The following IL1RL1 variants were observed in gnomAD, a reference collection of about 807,000 sequenced individuals.
IL1RL1 encodes the protein interleukin-1 receptor-like 1.
In IL1RL1, 32 loss-of-function variants were observed where a neutral mutation model predicts 50.9. That is an observed-to-expected ratio of 0.63 (90% CI 0.47 to 0.84). IL1RL1 has a LOEUF of 0.84. Among genes scored for constraint, IL1RL1 ranks in the 40% least tolerant of loss-of-function variants. The probability of loss-of-function intolerance (pLI) is 0.00; values close to 1 mark genes in which losing one functional copy is unlikely to be tolerated. For synonymous variants in IL1RL1, 275 were observed against 236.0 expected, an observed-to-expected ratio of 1.17 and a Z score of -1.51; for missense variants, 773 against 662.9, an observed-to-expected ratio of 1.17 and a Z score of -1.82.
chr2:102,328,684 T>A (rs530152775), intron 1 of IL1RL1, among the ~76,000 whole-genome samples: 1 of 152,190 alleles, frequency 6.6e-6, no homozygotes, highest in East Asian at 1.9e-4. Flanking sequence ...TCGCAAGCAT[T>A]CTTATACACC....
At chr2:102,343,903 T>C in intron 8 of IL1RL1, 1 of 996,810 alleles carries the variant, frequency 1.0e-6, no homozygotes, top group Non-Finnish European at 1.2e-6. Flanking sequence ...ACTACTGCCA[T>C]TTCAGTGAGA....
chr2:102,331,084 T>A (rs77127114), intron 1 of IL1RL1, among the ~76,000 whole-genome samples: 4,208 of 152,348 alleles, frequency 0.028, 90 homozygotes, highest in Non-Finnish European at 0.04. Flanking sequence ...GACTCTCTCT[T>A]CTTTGATCAA....
intron 1 of IL1RL1, among the ~76,000 whole-genome samples, chr2:102,335,685 C>G (rs1473883972): frequency 6.6e-6 from 1 of 152,116 alleles, no homozygotes; most frequent in Admixed American, 6.5e-5. Flanking sequence ...AACTGAGAAA[C>G]TAATGCTTAC....
intron 9 of IL1RL1, among the ~76,000 whole-genome samples, chr2:102,348,535 A>G (rs1468840636): frequency 1.3e-5 from 2 of 152,222 alleles, no homozygotes; most frequent in Non-Finnish European, 2.9e-5. Flanking sequence ...ACCCAGGCAC[A>G]CAAGCATGTG....
chr2:102,320,991 T>C (rs1209037057), intron 1 of IL1RL1, among the ~76,000 whole-genome samples: 3 of 152,234 alleles, frequency 2.0e-5, no homozygotes, highest in Non-Finnish European at 1.5e-5. Flanking sequence ...ATCTAGTCTC[T>C]ACCCCTCTCC....
Position 102,336,878 on chromosome 2 carries a change from T to C in IL1RL1, c.-149-1238T>C, listed in dbSNP as rs1677344661. 3.9e-5 allele frequency among the ~76,000 whole-genome samples: 6 copies of C among 152,198 alleles called. 1 individual carries two copies. Among genetic ancestry groups the C allele is most frequent in the Admixed American group, 3.9e-4 (6 of 15,270 alleles). ...CTTTTGAAACTCCTGGCACCAATGC[T>C]GCCAAGGCTGGCGGAGCTTTCCTGA... On this transcript the variant is annotated intron_variant, in intron 1 of 10. Transcript: ENST00000233954.
chr2:102,321,929 T>G (rs1420089), intron 1 of IL1RL1, among the ~76,000 whole-genome samples: 1 of 152,138 alleles, frequency 6.6e-6, no homozygotes, highest in African/African-American at 2.4e-5. Flanking sequence ...TCTAGTCTGA[T>G]TAGTCTTGTC....
At chr2:102,326,012 A>T (rs969805677) in intron 1 of IL1RL1, among the ~76,000 whole-genome samples, 35 of 152,294 alleles carry the variant, frequency 2.3e-4, no homozygotes, top group Middle Eastern at 3.4e-3. Flanking sequence ...CACCACAAAG[A>T]TACTCCTTGA....
chr2:102,326,021 G>T (rs1402211777), intron 1 of IL1RL1, among the ~76,000 whole-genome samples: 4 of 152,146 alleles, frequency 2.6e-5, no homozygotes. Flanking sequence ...GATACTCCTT[G>T]AGAAGAGCAA....
intron 3 of IL1RL1, chr2:102,339,374 A>C (rs1573151246): frequency 4.7e-6 from 1 of 211,778 alleles, no homozygotes; most frequent in African/African-American, 2.3e-5. Flanking sequence ...CACAGAAAAT[A>C]GTAATCTGGA....
intron 6 of IL1RL1, 131 bp from the exon 7 acceptor site, chr2:102,342,905 A>G (rs1470975588): frequency 5.2e-6 from 4 of 776,590 alleles, no homozygotes; most frequent in Admixed American, 4.8e-5. Flanking sequence ...GGAAGGTGCT[A>G]GAGATGAGGG....
intron 1 of IL1RL1, among the ~76,000 whole-genome samples, chr2:102,324,283 G>A (rs1676926360): frequency 6.6e-6 from 1 of 152,148 alleles, no homozygotes; most frequent in Non-Finnish European, 1.5e-5. Context: ...CATCAATGAT[G>A]CATGAGAGTT....
downstream of IL1RL1, chr2:102,352,116 C>A (rs1677953674): frequency 3.7e-6 from 2 of 534,456 alleles, no homozygotes. Flanking sequence ...TCTCCTCAAT[C>A]CTCCACCATC....
intron 1 of IL1RL1, among the ~76,000 whole-genome samples, chr2:102,330,812 C>A (rs1229235465): frequency 6.6e-6 from 1 of 152,104 alleles, no homozygotes; most frequent in Non-Finnish European, 1.5e-5. Flanking sequence ...AATAAAGTCC[C>A]AGCTATGATT....
chr2:102,330,366 G>A (rs765705665), intron 1 of IL1RL1, among the ~76,000 whole-genome samples: 7 of 152,002 alleles, frequency 4.6e-5, no homozygotes, highest in Non-Finnish European at 8.8e-5. Context: ...GGGAGGCATA[G>A]CATTAGGAGA....
Position 102,351,985 on chromosome 2 carries a change from A to G in IL1RL1, c.*64A>G. ...TTTCCTGACTTCTCCTAGCTGGCTT[A>G]TGCCCCTGCACTGAAGTGTGAGGAG... is the stretch of plus-strand genomic sequence containing the variant. On this transcript the variant is annotated 3_prime_UTR_variant, in exon 11 of 11. Transcript: ENST00000233954. The G allele has an allele frequency of 1.4e-6, 2 of 1,470,176 alleles. No homozygotes were observed. Among genetic ancestry groups the G allele is most frequent in the East Asian group, 2.3e-5 (1 of 44,236 alleles). 91.1% of individuals were successfully genotyped at this position (1,470,176 alleles called of 1,614,324 possible).
At chr2:102,334,660 A>G (rs1256144876) in intron 1 of IL1RL1, among the ~76,000 whole-genome samples, 1 of 152,198 alleles carries the variant, frequency 6.6e-6, no homozygotes, top group African/African-American at 2.4e-5. Context: ...ACTGAAATTC[A>G]TATAAGATTA....
intron 3 of IL1RL1, 112 bp from the exon 4 acceptor site, chr2:102,339,986 T>C (rs913493290): frequency 1.8e-5 from 9 of 500,352 alleles, no homozygotes; most frequent in Admixed American, 1.2e-4. Context: ...ATAACCATTA[T>C]GTATATTGAT....
At chr2:102,312,027 A>G (rs1676526615) in intron 1 of IL1RL1, among the ~76,000 whole-genome samples, 2 of 61,078 alleles carry the variant, frequency 3.3e-5, no homozygotes, top group African/African-American at 1.3e-4. Context: ...TATAATATAT[A>G]TTATATATTA....
Sources: gnomAD v4.1 joint callset for allele counts (sites outside exome capture counted in the v4.1 genomes callset) on GRCh38, gnomAD v4.1.1 for gene constraint, MANE v1.5 for transcripts, NCBI Gene and HGNC (gene_info 2026-07-23, HGNC 2026-07-21) for gene names.